The following CHD1 variants were observed in gnomAD, a reference collection of about 807,000 sequenced individuals.
CHD1 encodes the protein ATP-dependent chromatin remodeler CHD1.
Under a neutral mutation model 224.2 loss-of-function variants are expected in CHD1, and 36 were observed. The ratio of observed to expected loss-of-function variants is 0.16; its 90% confidence interval spans 0.12 to 0.21. CHD1 has a LOEUF of 0.21. Ranked by LOEUF, CHD1 falls within the 10% of genes least tolerant of loss-of-function variation. The pLI is 1.00. For missense variants in CHD1, 1,378 were observed against 1,994.8 expected (o/e 0.69, Z 5.89); for synonymous variants, 668 against 658.3 (o/e 1.01, Z -0.23).
intron 35 of CHD1, 106 bp downstream of exon 35, chr5:98,858,074 T>G: frequency 1.2e-6 from 1 of 802,494 alleles, no homozygotes; most frequent in East Asian, 2.4e-5. Context: ...CAAGATTTGT[T>G]TTGACTGCAT....
chr5:98,860,785 A>G (rs995901651), intron 32 of CHD1: 10 of 152,264 alleles, frequency 6.6e-5, no homozygotes, highest in African/African-American at 2.4e-4. Context: ...CACTAGAGGT[A>G]TAATATTTAC....
chr5:98,903,074 G>A lies in CHD1; in HGVS notation c.373-110C>T, dbSNP rs1271231325. On this transcript the variant is annotated intron_variant, in intron 4 of 35. Coordinates refer to ENST00000614616, the MANE Select transcript of CHD1 (RefSeq NM_001270.4). ...ATTCACTTTACAAATAACAGCACTT[G>A]TGAAGCCTTTTTTCAATGTAGTTTT... 3 of 539,576 alleles carry A rather than the reference G, an allele frequency of 5.6e-6. No homozygotes were observed. The African/African-American group carries it at 5.9e-5, about 11-fold the overall frequency. 33.4% of individuals were successfully genotyped at this position (539,576 alleles called of 1,614,324 possible).
chr5:98,894,517 T>C (rs28557210), intron 13 of CHD1, 80 bp downstream of exon 13: 52,665 of 473,556 alleles, frequency 0.11, 3,516 homozygotes, highest in South Asian at 0.2. Context: ...TTTAGGCTAT[T>C]CTCTCATCTT....
Position 98,859,009 on chromosome 5 carries a change from T to G in CHD1, c.4531A>C (p.Ser1511Arg). Residue 1511 changes from serine (S) to arginine (R), a missense_variant, in exon 34 of 36, where the codon AGT becomes CGT. By Grantham distance (110) the Ser-to-Arg change is moderately radical (BLOSUM62 -1). This residue lies in a region of CHD1 where 278 missense variants were observed against 298.5 expected (regional missense o/e 0.93). Coordinates refer to ENST00000614616, the MANE Select transcript of CHD1 (RefSeq NM_001270.4). ...IKKRQESQQN[S>R]DQNSNLNPHV... ...GGATTCAAGTTGCTGTTTTGATCAC[T>G]GTTTTGCTAAAATAAATGCACACGT... 1 of 1,580,192 alleles carries G rather than the reference T, an allele frequency of 6.3e-7. No individual in the cohort carries two copies. Among genetic ancestry groups the G allele is most frequent in the Non-Finnish European group, 8.6e-7 (1 of 1,168,866 alleles).
intron 2 of CHD1, among the ~76,000 whole-genome samples, chr5:98,906,427 A>G (rs1042525043): frequency 3.9e-5 from 6 of 152,198 alleles, no homozygotes; most frequent in South Asian, 2.1e-4. Flanking sequence ...CAAGGATATT[A>G]AAAGATTTTT....
At chr5:98,885,839 T>G (rs1750614191) in intron 17 of CHD1, 190 bp from the exon 18 acceptor site, 3 of 541,572 alleles carry the variant, frequency 5.5e-6, no homozygotes. Flanking sequence ...TCACTAAGAC[T>G]GCACCCTCAA....
intron 32 of CHD1, 58 bp downstream of exon 32, chr5:98,863,350 A>C (rs1246296813): frequency 2.9e-6 from 3 of 1,046,772 alleles, no homozygotes; most frequent in Admixed American, 7.1e-5. Context: ...AAAACAAAAA[A>C]AAAAAAAGAC....
intron 32 of CHD1, among the ~76,000 whole-genome samples, chr5:98,861,704 G>A (rs897950760): frequency 8.2e-5 from 12 of 146,048 alleles, no homozygotes; most frequent in Non-Finnish European, 1.2e-4. Flanking sequence ...GTAGACCACC[G>A]TCTTAGCCAG....
intron 15 of CHD1, among the ~76,000 whole-genome samples, chr5:98,891,503 C>A (rs745958393): frequency 6.6e-6 from 1 of 152,122 alleles, no homozygotes; most frequent in African/African-American, 2.4e-5. Context: ...CATAAAAAGA[C>A]TGGCATGAGT....
intron 3 of CHD1, among the ~76,000 whole-genome samples, chr5:98,904,395 T>TAC (rs1208707308): frequency 6.6e-6 from 1 of 152,214 alleles, no homozygotes; most frequent in African/African-American, 2.4e-5. Context: ...CACTGTATAC[T>TAC]ACCACGAAGT....
intron 23 of CHD1, among the ~76,000 whole-genome samples, chr5:98,878,456 A>G (rs1009010729): frequency 6.6e-6 from 1 of 152,270 alleles, no homozygotes; most frequent in Non-Finnish European, 1.5e-5. Context: ...GGAAGCACGA[A>G]AAAACTCAGC....
intron 17 of CHD1, among the ~76,000 whole-genome samples, chr5:98,887,444 G>A (rs1486331184): frequency 1.3e-5 from 2 of 152,066 alleles, no homozygotes; most frequent in Non-Finnish European, 2.9e-5. Context: ...TTTACTAGCT[G>A]TATCTACATA....
chr5:98,894,883 G>A (rs777143824), intron 12 of CHD1, among the ~76,000 whole-genome samples, 197 bp from the exon 13 acceptor site: 22 of 151,578 alleles, frequency 1.5e-4, no homozygotes, highest in Non-Finnish European at 2.7e-4. Context: ...GTGCAATGGC[G>A]TGATCTCGGC....
chr5:98,889,306 AAAAC>A, intron 15 of CHD1, 68 bp from the exon 16 acceptor site: 3 of 1,222,462 alleles, frequency 2.5e-6, no homozygotes, highest in Non-Finnish European at 3.4e-6. Flanking sequence ...TAAAAGCATT[AAAAC>A]AAACAAAAAA....
chr5:98,892,319 A>T (rs1751075558), intron 15 of CHD1, among the ~76,000 whole-genome samples: 1 of 152,174 alleles, frequency 6.6e-6, no homozygotes, highest in Non-Finnish European at 1.5e-5. Flanking sequence ...AAGATGAATT[A>T]CTCAGTGTTG....
intron 31 of CHD1, among the ~76,000 whole-genome samples, chr5:98,868,126 C>T (rs1017930047): frequency 2.6e-5 from 4 of 151,478 alleles, no homozygotes; most frequent in African/African-American, 4.8e-5. Context: ...CCAAGGAGTT[C>T]GAGACCAGCC....
At chr5:98,894,723 C>A (rs990779842) in intron 12 of CHD1, 37 bp from the exon 13 acceptor site, 2 of 908,548 alleles carry the variant, frequency 2.2e-6, no homozygotes, top group Non-Finnish European at 3.4e-6. Flanking sequence ...TTAAGACAAA[C>A]ATCAAGCAAA....
chr5:98,915,020 TAAC>T (rs1210050856), intron 2 of CHD1, among the ~76,000 whole-genome samples: 4 of 152,098 alleles, frequency 2.6e-5, no homozygotes, highest in South Asian at 2.1e-4. Context: ...TGCTAAACAT[TAAC>T]AACAACAACA....
At chr5:98,926,742 T>C (rs1168824315) in intron 1 of CHD1, among the ~76,000 whole-genome samples, 2 of 152,116 alleles carry the variant, frequency 1.3e-5, no homozygotes, top group African/African-American at 2.4e-5. Flanking sequence ...CTACTGCTAA[T>C]ATACTTCGGA....
Sources: allele counts gnomAD v4.1 joint callset (sites outside exome capture counted in the v4.1 genomes callset), GRCh38; gene constraint gnomAD v4.1.1; regional missense constraint gnomAD v4.1.1; transcripts MANE v1.5; gene names NCBI Gene and HGNC (gene_info 2026-07-23, HGNC 2026-07-21).